The following CFAP46 variants were observed in gnomAD, a reference collection of about 807,000 sequenced individuals.
The protein encoded by CFAP46 is cilia- and flagella-associated protein 46.
CFAP46 carries 245 observed loss-of-function variants against 325.7 expected under a neutral mutation model. The ratio of observed to expected loss-of-function variants is 0.75; its 90% confidence interval spans 0.68 to 0.84. The LOEUF is 0.84. CFAP46 is among the 40% of genes least tolerant of loss of function. CFAP46 has a pLI of 0.00. For missense variants in CFAP46, 3,346 were observed against 3,543.0 expected, an observed-to-expected ratio of 0.94 and a Z score of 1.41; for synonymous variants, 1,523 against 1,495.9, an observed-to-expected ratio of 1.02 and a Z score of -0.42.
intron 21 of CFAP46, 134 bp from the exon 22 acceptor site, chr10:132,908,768 A>G: frequency 1.7e-6 from 2 of 1,159,042 alleles, no homozygotes; most frequent in Non-Finnish European, 2.4e-6. Context: ...CCGTGCCACA[A>G]AAGCTGAGCT....
Position 132,909,915 on chromosome 10 carries a change from C to T in CFAP46, c.2649+4G>A. On this transcript the variant is annotated splice_donor_region_variant and intron_variant, in intron 20 of 57. Coordinates refer to ENST00000368586, the MANE Select transcript of CFAP46 (RefSeq NM_001200049.3). ...AGAGCCCAGATGTGGGCAGGGGCGC[C>T]CACCTGCTCCTCGGTGCCCAGCCGT... The T allele has an allele frequency of 1.4e-6, 2 of 1,444,948 alleles. No individual in the cohort carries two copies. The highest frequency in any genetic ancestry group is 2.7e-5 in the East Asian group (1 of 36,764). The allele number at this position is 1,444,948 out of a possible 1,614,324, so 89.5% of individuals were successfully genotyped here.
chr10:132,839,235 C>T (rs1245536879), intron 44 of CFAP46, among the ~76,000 whole-genome samples: 4 of 152,208 alleles, frequency 2.6e-5, no homozygotes, highest in African/African-American at 7.2e-5. Context: ...TTCCCTTGTA[C>T]GGCTCCTACC....
At chr10:132,937,101 G>C (rs962838527) in intron 6 of CFAP46, 46 bp from the exon 7 acceptor site, 2 of 1,100,472 alleles carry the variant, frequency 1.8e-6, no homozygotes, top group Non-Finnish European at 2.5e-6. Context: ...CAAACAATTC[G>C]GTAGAGGTTC....
chr10:132,933,047 T>A (rs1834236263), intron 8 of CFAP46, among the ~76,000 whole-genome samples: 1 of 152,206 alleles, frequency 6.6e-6, no homozygotes, highest in Admixed American at 6.5e-5. Flanking sequence ...CGGGGAGTAA[T>A]CACAGTCTTA....
At chr10:132,854,555 T>C (rs1848611857) in intron 39 of CFAP46, among the ~76,000 whole-genome samples, 1 of 152,164 alleles carries the variant, frequency 6.6e-6, no homozygotes, top group Non-Finnish European at 1.5e-5. Flanking sequence ...GCCAGGATGG[T>C]CTCGATCTCC....
chr10:132,819,498 A>G (rs890207727), intron 50 of CFAP46, among the ~76,000 whole-genome samples: 7 of 152,238 alleles, frequency 4.6e-5, no homozygotes, highest in Non-Finnish European at 8.8e-5. Flanking sequence ...TTATGCAACA[A>G]AGCTATAGTA....
chr10:132,875,587 A>C (rs1321987618), intron 31 of CFAP46, among the ~76,000 whole-genome samples: 1 of 152,206 alleles, frequency 6.6e-6, no homozygotes, highest in Non-Finnish European at 1.5e-5. Context: ...ACAGGTGGGC[A>C]ACTGCTCATG....
chr10:132,824,886 GAT>G (rs1848007604), intron 50 of CFAP46, among the ~76,000 whole-genome samples: 1 of 145,516 alleles, frequency 6.9e-6, no homozygotes, highest in South Asian at 2.3e-4. Flanking sequence ...TGTGTGCAGT[GAT>G]GTGTGCTGTG....
chr10:132,922,316 C>A (rs939344096), intron 12 of CFAP46, 92 bp from the exon 13 acceptor site: 2 of 1,484,468 alleles, frequency 1.3e-6, no homozygotes, highest in African/African-American at 1.4e-5. Flanking sequence ...TTGGCAGGGG[C>A]CTGTGTGGTC....
At position 132,828,772 on chromosome 10, in the gene CFAP46, C is replaced by T. The variant is rs1260586631; in HGVS notation, c.7117+4586G>A. Among the ~76,000 whole-genome samples, 6 of 152,138 alleles carry T rather than the reference C, an allele frequency of 3.9e-5. No individual in the cohort carries two copies. The highest frequency in any genetic ancestry group is 7.3e-5 in the Non-Finnish European group (5 of 68,032). On this transcript the variant is annotated intron_variant, in intron 50 of 57. Transcript: ENST00000368586. This position sits in a 1 kb window ranked among gnomAD's most constrained non-coding sequence, Gnocchi z 4.9. The stretch of plus-strand genomic sequence containing the variant: ...GATTTTCCTGCGTGGCGTGCGGCCT[C>T]GTTTTTGTTGTGTTTCGTTCTGCAC...
intron 25 of CFAP46, 146 bp downstream of exon 25, chr10:132,892,187 G>A: frequency 1.5e-6 from 1 of 678,934 alleles, no homozygotes; most frequent in Non-Finnish European, 2.5e-6. Context: ...GCATGCATCA[G>A]ATGCTGAACA....
chr10:132,930,166 A>T (rs192979783), intron 8 of CFAP46, among the ~76,000 whole-genome samples: 10 of 152,206 alleles, frequency 6.6e-5, no homozygotes, highest in Admixed American at 1.3e-4. Flanking sequence ...AGCAGCTCAG[A>T]CCCACATCTG....
At chr10:132,892,080 CTGTT>C (rs1849261534) in intron 25 of CFAP46, among the ~76,000 whole-genome samples, 1 of 152,182 alleles carries the variant, frequency 6.6e-6, no homozygotes, top group South Asian at 2.1e-4. Flanking sequence ...CAGAGTTTGA[CTGTT>C]TTCATGGACA....
chr10:132,826,953 G>T (rs551215615), intron 50 of CFAP46, among the ~76,000 whole-genome samples: 1 of 152,210 alleles, frequency 6.6e-6, no homozygotes, highest in Admixed American at 6.5e-5. Context: ...AGTGGCTCTC[G>T]GGTGGGTGCA....
chr10:132,834,034 C>T lies in CFAP46; in HGVS notation c.6949+7G>A. Reference sequence around the variant, plus strand: ...CCAGGCTGAGTGGCCACGCCCGCCCCACTCACTGTGTTGTCCTGTGGACGT... The same window carrying T: ...CCAGGCTGAGTGGCCACGCCCGCCCTACTCACTGTGTTGTCCTGTGGACGT... On this transcript the variant is annotated splice_region_variant and intron_variant, in intron 49 of 57. Coordinates refer to ENST00000368586, the MANE Select transcript of CFAP46 (RefSeq NM_001200049.3). The T allele has an allele frequency of 6.2e-7, 1 of 1,613,706 alleles. No individual in the cohort carries two copies. Among genetic ancestry groups the T allele is most frequent in the Non-Finnish European group, 8.5e-7 (1 of 1,179,694 alleles).
chr10:132,907,375 C>G (rs913268561), intron 22 of CFAP46, among the ~76,000 whole-genome samples: 5 of 152,156 alleles, frequency 3.3e-5, no homozygotes, highest in African/African-American at 9.7e-5. Context: ...CTGGATGGAA[C>G]ACGGTAAGCC....
chr10:132,924,915 G>A (rs757084851), intron 10 of CFAP46, 29 bp from the exon 11 acceptor site: 99 of 1,363,608 alleles, frequency 7.3e-5, no homozygotes, highest in East Asian at 1.8e-4. Context: ...GGATTCTAGG[G>A]AGGTTGCTGG....
In CFAP46 at chr10:132,926,487, C is replaced by T. The variant is rs1048905196; in HGVS notation, c.1065+81G>A. 5.8e-6 allele frequency: 6 copies of T among 1,039,458 alleles called. No individual in the cohort carries two copies. In the African/African-American group the frequency reaches 7.9e-5, roughly 14 times the overall value. The allele number at this position is 1,039,458 out of a possible 1,614,324, so 64.4% of individuals were successfully genotyped here. On this transcript the variant is annotated intron_variant, in intron 10 of 57. Transcript: ENST00000368586. ...AGGCCATGTCCCCAGCACCCTCAAG[C>T]CTGGGACACACTCAACTTGCACCAA...
rs781201600 is a variant in CFAP46, at chr10:132,860,967, A to G, written c.4906T>C (p.Cys1636Arg). ...YLAFQELDEP[C>R]AEAQCLLLLA... ...AGGAGCAGGCACTGGGCCTCTGCAC[A>G]AGGCTCATCCAGCTCCTGAAGGAGA... Residue 1636 changes from cysteine to arginine, a missense_variant, in exon 36 of 58, where the codon TGT becomes CGT. Physicochemically the swap from Cys to Arg is radical, Grantham distance 180 (BLOSUM62 -3). Transcript: ENST00000368586. 2.6e-6 allele frequency: 4 copies of G among 1,550,648 alleles called. No homozygotes were observed. Among genetic ancestry groups the G allele is most frequent in the Middle Eastern group, 1.7e-4 (1 of 5,966 alleles).
Sources: gnomAD v4.1 joint callset for allele counts (sites outside exome capture counted in the v4.1 genomes callset) on GRCh38, gnomAD v4.1.1 for gene constraint, Gnocchi (gnomAD v3.1) non-coding constraint, MANE v1.5 for transcripts, NCBI Gene and HGNC (gene_info 2026-07-23, HGNC 2026-07-21) for gene names.